The following KIRREL3 variants were observed in gnomAD, a reference collection of about 807,000 sequenced individuals.
The protein encoded by KIRREL3 is kirre like nephrin family adhesion molecule 3, also known as kin of IRRE-like protein 3.
A neutral mutation model predicts 89.7 loss-of-function variants in KIRREL3; 36 were observed. The observed-to-expected ratio is 0.40, with a 90% CI of 0.31 to 0.53. The LOEUF is 0.53. Ranked by LOEUF, KIRREL3 falls within the 20% of genes least tolerant of loss-of-function variation. The pLI, the probability that KIRREL3 is intolerant of heterozygous loss-of-function variation, is 0.49. For synonymous variants in KIRREL3, 445 were observed against 441.4 expected (o/e 1.01, Z -0.10); for missense variants, 864 against 1,056.6 (o/e 0.82, Z 2.53).
intron 1 of KIRREL3, among the ~76,000 whole-genome samples, chr11:126,577,592 C>CAAAAAAAAAAAA (rs61210940): frequency 2.6e-5 from 3 of 115,928 alleles, no homozygotes; most frequent in Admixed American, 9.5e-5. Context: ...ACTAAAAATA[C>CAAAAAAAAAAAA]AAAAAAAAAA....
chr11:126,820,415 G>C (rs569566578), intron 1 of KIRREL3, among the ~76,000 whole-genome samples: 1 of 152,168 alleles, frequency 6.6e-6, no homozygotes, highest in Non-Finnish European at 1.5e-5. Context: ...GCTAATGGCA[G>C]CTTCCATGAT....
chr11:126,899,045 C>T (rs1009249975), intron 1 of KIRREL3, among the ~76,000 whole-genome samples: 1 of 151,490 alleles, frequency 6.6e-6, no homozygotes, highest in East Asian at 1.9e-4. Context: ...GTCCCTTTGA[C>T]TATAGGTAAT....
At chr11:126,507,803 C>T (rs571971614) in intron 4 of KIRREL3, among the ~76,000 whole-genome samples, 1 of 152,340 alleles carries the variant, frequency 6.6e-6, no homozygotes, top group Admixed American at 6.5e-5. Flanking sequence ...GCATTTTGGG[C>T]TGAACCTGGA....
rs1338721681 is a variant in KIRREL3 at position 126,705,301 on chromosome 11, T to G, written c.56-142389A>C. On this transcript the variant is annotated intron_variant, in intron 1 of 16. Transcript: ENST00000525144. This position sits in a 1 kb window ranked among gnomAD's most constrained non-coding sequence, Gnocchi z 4.3. ...GATCCCCAGTATTGAAGGTGGGGCC[T>G]GGTGGGAGGTGATTGGGTCATGAGG... Among the ~76,000 whole-genome samples, 1 of 152,188 alleles carries G rather than the reference T, an allele frequency of 6.6e-6. No homozygotes were observed. The highest frequency in any genetic ancestry group is 1.5e-5 in the Non-Finnish European group (1 of 68,032).
Position 126,953,612 on chromosome 11 carries a change from GAT to G in KIRREL3, c.55+46841_55+46842del, listed in dbSNP as rs1948833827. Among the ~76,000 whole-genome samples the G allele has an allele frequency of 2.6e-5, 1 of 39,160 alleles. No individual in the cohort carries two copies. The highest frequency in any genetic ancestry group is 1.1e-3 in the South Asian group (1 of 918). 25.7% of individuals were successfully genotyped at this position (39,160 alleles called of 152,430 possible). ...AATACACACACACACACTTGGGAGA[GAT>G]AGAGAGACAGAGAGAGAGAACGACC... On this transcript the variant is annotated intron_variant, in intron 1 of 16. Coordinates refer to ENST00000525144, the MANE Select transcript of KIRREL3 (RefSeq NM_032531.4). This position sits in a 1 kb window ranked among gnomAD's most constrained non-coding sequence, Gnocchi z 5.2.
chr11:126,625,475 C>T (rs1943744118), intron 1 of KIRREL3, among the ~76,000 whole-genome samples: 1 of 152,180 alleles, frequency 6.6e-6, no homozygotes, highest in Non-Finnish European at 1.5e-5. Flanking sequence ...TTCCTACACT[C>T]CAATTCATTC....
chr11:126,840,922 A>C (rs1227903632), intron 1 of KIRREL3, among the ~76,000 whole-genome samples: 1 of 152,252 alleles, frequency 6.6e-6, no homozygotes, highest in African/African-American at 2.4e-5. Flanking sequence ...TGAAAAAGTG[A>C]AAGTTCTCAA....
Position 126,761,055 on chromosome 11 carries a change from T to C in KIRREL3, c.56-198143A>G, listed in dbSNP as rs1762048669. On this transcript the variant is annotated intron_variant, in intron 1 of 16. Transcript: ENST00000525144. The surrounding 1 kb of genome is among the most constrained non-coding windows in gnomAD (Gnocchi z 4.4). Reference sequence around the variant, plus strand: ...TGAAGCCCAGTTGCTCTATGCATTCTTTACTGCTGGACCATGGAGGATATA... The same window carrying C: ...TGAAGCCCAGTTGCTCTATGCATTCCTTACTGCTGGACCATGGAGGATATA... Among the ~76,000 whole-genome samples the C allele has an allele frequency of 6.6e-6, 1 of 152,230 alleles. No individual in the cohort carries two copies. Among genetic ancestry groups the C allele is most frequent in the Admixed American group, 6.5e-5 (1 of 15,284 alleles).
rs748726504 is a variant in KIRREL3, at chr11:127,000,496, T to C, written c.14A>G (p.Gln5Arg). MKPF[Q>R]LDLLFVCFFL... is the part of the protein sequence containing the mutation. ...GAAGCAGACGAAGAGCAGATCGAGCTGGAAGGGTTTCATTCCTTAGCGCAG... is the reference window on the plus strand; with the variant it reads ...GAAGCAGACGAAGAGCAGATCGAGCCGGAAGGGTTTCATTCCTTAGCGCAG... The change falls in exon 1 of 17, where the codon CAG becomes CGG. Residue 5 changes from glutamine to arginine, a missense_variant. Physicochemically the swap from Gln to Arg is conservative, Grantham distance 43. Transcript: ENST00000525144. This position sits in a 1 kb window ranked among gnomAD's most constrained non-coding sequence, Gnocchi z 7.1. 6.2e-7 allele frequency: 1 copy of C among 1,607,658 alleles called. No homozygotes were observed.
chr11:126,800,543 T>C (rs1950998660), intron 1 of KIRREL3, among the ~76,000 whole-genome samples: 1 of 152,118 alleles, frequency 6.6e-6, no homozygotes. Flanking sequence ...TCAGCAACCT[T>C]ATACCTCTTG....
chr11:126,597,803 G>A (rs1048996422), intron 1 of KIRREL3, among the ~76,000 whole-genome samples: 1 of 152,202 alleles, frequency 6.6e-6, no homozygotes, highest in Non-Finnish European at 1.5e-5. Flanking sequence ...TAACAAAAAT[G>A]TATGCAATTG....
intron 3 of KIRREL3, among the ~76,000 whole-genome samples, chr11:126,524,274 G>T (rs947948): frequency 0.27 from 41,643 of 152,174 alleles, 6,918 homozygotes; most frequent in African/African-American, 0.46. Flanking sequence ...AAAGTGCCTG[G>T]CACATTGTAA....
chr11:126,758,231 G>A (rs1325891200), intron 1 of KIRREL3, among the ~76,000 whole-genome samples: 1 of 152,202 alleles, frequency 6.6e-6, no homozygotes, highest in Non-Finnish European at 1.5e-5. Context: ...TTCTCAATTA[G>A]CTATTTTTAG....
chr11:126,554,784 T>A (rs1359642596), intron 2 of KIRREL3, among the ~76,000 whole-genome samples: 1 of 152,140 alleles, frequency 6.6e-6, no homozygotes, highest in Non-Finnish European at 1.5e-5. Flanking sequence ...GGTGACTCAA[T>A]TTTTCTCCCA....
At chr11:126,688,506 G>C (rs1246760155) in intron 1 of KIRREL3, among the ~76,000 whole-genome samples, 3 of 152,020 alleles carry the variant, frequency 2.0e-5, no homozygotes, top group African/African-American at 7.3e-5. Flanking sequence ...CGTCAATATT[G>C]CATTTATTGC....
Position 126,463,241 on chromosome 11 carries a change from C to T in KIRREL3, c.658G>A (p.Glu220Lys), listed in dbSNP as rs1315879264. The change falls in exon 6 of 17, where the codon GAG (glutamate) becomes AAG (lysine). Residue 220 changes from glutamate to lysine, a missense_variant. Physicochemically the swap from Glu to Lys is moderately conservative, Grantham distance 56 (BLOSUM62 1). Transcript: ENST00000525144. The surrounding 1 kb of genome is among the most constrained non-coding windows in gnomAD (Gnocchi z 5.9). Reference protein sequence around the residue: ...STLFISPGDVENGQSIVCRAT... With the variant: ...STLFISPGDVKNGQSIVCRAT... ...CGACACACGATGCTCTGGCCATTCTCCACGTCACCAGGGGAGATGAAGAGG... is the reference window on the plus strand; with the variant it reads ...CGACACACGATGCTCTGGCCATTCTTCACGTCACCAGGGGAGATGAAGAGG... 6.2e-7 allele frequency: 1 copy of T among 1,613,990 alleles called. No individual in the cohort carries two copies. The highest frequency in any genetic ancestry group is 2.2e-5 in the East Asian group (1 of 44,886).
intron 1 of KIRREL3, among the ~76,000 whole-genome samples, chr11:126,584,530 A>G (rs1396416423): frequency 6.6e-6 from 1 of 152,210 alleles, no homozygotes; most frequent in African/African-American, 2.4e-5. Context: ...GCATGTGGGT[A>G]TGACCGAGCC....
At chr11:126,693,382 T>G (rs1007069525) in intron 1 of KIRREL3, among the ~76,000 whole-genome samples, 1 of 152,072 alleles carries the variant, frequency 6.6e-6, no homozygotes, top group Non-Finnish European at 1.5e-5. Flanking sequence ...GATTGCGCCA[T>G]TGTACTCCAG....
chr11:126,675,097 C>T (rs1175999529), intron 1 of KIRREL3, among the ~76,000 whole-genome samples: 1 of 152,200 alleles, frequency 6.6e-6, no homozygotes, highest in Non-Finnish European at 1.5e-5. Flanking sequence ...CTTAGGGCCT[C>T]TTCGATGCTG....
Sources: gnomAD v4.1 joint callset for allele counts (sites outside exome capture counted in the v4.1 genomes callset) on GRCh38, gnomAD v4.1.1 for gene constraint, Gnocchi (gnomAD v3.1) non-coding constraint, MANE v1.5 for transcripts, NCBI Gene and HGNC (gene_info 2026-07-23, HGNC 2026-07-21) for gene names.